Variants in IQSEC1 observed in about 807,000 individuals in gnomAD.
The protein encoded by IQSEC1 is IQ motif and Sec7 domain ArfGEF 1.
Under a neutral mutation model 91.0 loss-of-function variants are expected in IQSEC1, and 31 were observed. The ratio of observed to expected loss-of-function variants is 0.34; its 90% CI spans 0.26 to 0.46. The LOEUF (loss-of-function observed/expected upper bound fraction) is 0.46, where lower values mean the gene tolerates loss of function less well. IQSEC1 is among the 20% of genes least tolerant of loss of function. IQSEC1 has a pLI of 1.00. For missense variants in IQSEC1, 1,388 were observed against 1,575.6 expected, an observed-to-expected ratio of 0.88 and a Z score of 2.02; for synonymous variants, 699 against 662.6, an observed-to-expected ratio of 1.05 and a Z score of -0.84.
intron 1 of IQSEC1, among the ~76,000 whole-genome samples, chr3:13,243,381 G>A (rs1471936720): frequency 6.6e-6 from 1 of 152,154 alleles, no homozygotes; most frequent in Non-Finnish European, 1.5e-5. Flanking sequence ...CTGGAAGTCA[G>A]GAGCCCTGCG....
intron 1 of IQSEC1, among the ~76,000 whole-genome samples, chr3:13,221,907 T>C (rs1694666928): frequency 6.6e-6 from 1 of 152,064 alleles, no homozygotes; most frequent in Non-Finnish European, 1.5e-5. Context: ...TCCTCAACCA[T>C]GACCAGGCCC....
intron 1 of IQSEC1, among the ~76,000 whole-genome samples, chr3:13,239,488 T>C (rs559927711): frequency 7.2e-5 from 11 of 152,364 alleles, no homozygotes; most frequent in Admixed American, 3.9e-4. Flanking sequence ...ACCCTCGTGT[T>C]CTGGGTCCTC....
chr3:13,196,339 G>A (rs1020014056), intron 1 of IQSEC1, among the ~76,000 whole-genome samples: 4 of 152,208 alleles, frequency 2.6e-5, no homozygotes, highest in Non-Finnish European at 4.4e-5. Flanking sequence ...CAGACGTTGT[G>A]GAGCAGAGGC....
At chr3:13,209,619 G>A (rs1398042556) in intron 1 of IQSEC1, among the ~76,000 whole-genome samples, 7 of 152,146 alleles carry the variant, frequency 4.6e-5, no homozygotes, top group Admixed American at 4.6e-4. Context: ...GCACACCCCT[G>A]CCTCCGTGCC....
chr3:13,234,551 G>A (rs1009006965), intron 1 of IQSEC1, among the ~76,000 whole-genome samples: 8 of 152,028 alleles, frequency 5.3e-5, no homozygotes, highest in African/African-American at 1.2e-4. Context: ...GTCATCTTGC[G>A]CTATTACTGC....
chr3:13,073,158 G>T lies in IQSEC1; in HGVS notation c.-144C>A, dbSNP rs1376556170. The T allele has an allele frequency of 3.1e-6, 3 of 980,468 alleles. No homozygotes were observed. The highest frequency in any genetic ancestry group is 1.5e-6 in the Non-Finnish European group (1 of 650,310). The allele number at this position is 980,468 out of a possible 1,614,324, so 60.7% of individuals were successfully genotyped here. On this transcript the variant is annotated 5_prime_UTR_variant, in exon 1 of 14. Transcript: ENST00000613206. ...GGCGAGTCACATTCCCGGGGGTGGC[G>T]GGCTCCTCCAGGGAGGCTGGGGCGG...
In IQSEC1 at chr3:12,901,491, C is replaced by T. The variant is rs1395708156; in HGVS notation, c.2837G>A (p.Arg946Gln). The change falls in exon 14 of 14, where the codon CGG becomes CAG. Residue 946 changes from arginine (R) to glutamine (Q), a missense_variant. By Grantham distance (43) the Arg-to-Gln change is conservative. This residue lies in a region of IQSEC1 where 329 missense variants were observed against 257.8 expected (regional missense o/e 1.28). Coordinates refer to ENST00000613206, the MANE Select transcript of IQSEC1 (RefSeq NM_001134382.3). Reference sequence around the variant, plus strand: ...ACACTCTCGTGTTGATGTAGCTCTCCGGCGCATGTGAGGACTGCTAATGAT... The same window carrying T: ...ACACTCTCGTGTTGATGTAGCTCTCTGGCGCATGTGAGGACTGCTAATGAT... The part of the protein sequence containing the change: ...GSIISSPHMR[R>Q]RATSTRECPS... The T allele has an allele frequency of 1.4e-5, 21 of 1,549,864 alleles. No individual in the cohort carries two copies. Among genetic ancestry groups the T allele is most frequent in the East Asian group, 2.4e-5 (1 of 40,918 alleles).
chr3:13,017,597 C>T (rs556154751), intron 1 of IQSEC1, among the ~76,000 whole-genome samples: 2 of 152,310 alleles, frequency 1.3e-5, no homozygotes, highest in South Asian at 4.1e-4. Flanking sequence ...GTGCTCCTCA[C>T]AGGGTGGGCG....
intron 1 of IQSEC1, among the ~76,000 whole-genome samples, chr3:13,166,049 G>A (rs1693489141): frequency 6.6e-6 from 1 of 152,174 alleles, no homozygotes; most frequent in South Asian, 2.1e-4. Context: ...ATGACAACTG[G>A]CTCCAGCTCA....
chr3:13,184,119 T>C (rs534960746), intron 1 of IQSEC1, among the ~76,000 whole-genome samples: 60 of 152,330 alleles, frequency 3.9e-4, no homozygotes, highest in African/African-American at 1.4e-3. Context: ...CTACACAAAC[T>C]TTTCCAGAAT....
At chr3:13,261,384 A>T (rs928654637) in intron 1 of IQSEC1, among the ~76,000 whole-genome samples, 2 of 152,160 alleles carry the variant, frequency 1.3e-5, no homozygotes, top group Non-Finnish European at 2.9e-5. Flanking sequence ...TGGCTATGGG[A>T]GGCCTCTGCA....
chr3:13,080,692 C>T (rs55909091), intron 2 of IQSEC1, among the ~76,000 whole-genome samples: 15,920 of 152,152 alleles, frequency 0.1, 989 homozygotes, highest in African/African-American at 0.16. Flanking sequence ...TACCCTCCAA[C>T]GGCCACTTCC....
At chr3:12,923,962 G>C (rs1696871780) in intron 4 of IQSEC1, among the ~76,000 whole-genome samples, 1 of 152,218 alleles carries the variant, frequency 6.6e-6, no homozygotes, top group South Asian at 2.1e-4. Context: ...ATGCTCACCA[G>C]CTCTCTGAAC....
chr3:13,208,978 C>T (rs1694395506), intron 1 of IQSEC1, among the ~76,000 whole-genome samples: 1 of 152,228 alleles, frequency 6.6e-6, no homozygotes, highest in Non-Finnish European at 1.5e-5. Context: ...GACCAACACC[C>T]CAAGGAAGCA....
At chr3:13,231,275 GTGTC>G (rs757042880) in intron 1 of IQSEC1, among the ~76,000 whole-genome samples, 13 of 152,196 alleles carry the variant, frequency 8.5e-5, no homozygotes, top group Non-Finnish European at 1.3e-4. Context: ...GTGCGTGTGT[GTGTC>G]TGTGTGTGTG....
At chr3:12,987,669 G>A (rs1701807211) in intron 1 of IQSEC1, among the ~76,000 whole-genome samples, 1 of 152,176 alleles carries the variant, frequency 6.6e-6, no homozygotes, top group South Asian at 2.1e-4. Context: ...GCAGGAGGGA[G>A]GGAGAAGAGG....
rs374039901 is a variant in IQSEC1 at position 13,282,510 on chromosome 3, G to C, written c.272+201C>G. 6.6e-6 allele frequency among the ~76,000 whole-genome samples: 1 copy of C among 152,106 alleles called. No homozygotes were observed. The highest frequency in any genetic ancestry group is 2.4e-5 in the African/African-American group (1 of 41,530). ...TCCAGGGAACCCAGTCCCCACCCGA[G>C]ATCGAGCTCCGGATCTGGGCGGCGA... On this transcript the variant is annotated intron_variant, in intron 1 of 15. Transcript: ENST00000648114. The surrounding 1 kb of genome is among the most constrained non-coding windows in gnomAD (Gnocchi z 6.4).
rs368871165 is a variant in IQSEC1 at position 13,015,326 on chromosome 3, G to A, written c.23+57666C>T. ...TAATGGGGCCTGGGGCTGGTCTAAC[G>A]CGCAGGGGAGCTAAAGAACTTCCCC... On this transcript the variant is annotated intron_variant, in intron 1 of 13. Transcript: ENST00000613206. Among the ~76,000 whole-genome samples the A allele has an allele frequency of 3.3e-4, 51 of 152,294 alleles. No homozygotes were observed. In the East Asian group the frequency reaches 7.7e-3, roughly 23 times the overall value.
intron 2 of IQSEC1, among the ~76,000 whole-genome samples, chr3:13,100,418 A>ACT (rs2124826775): frequency 6.7e-6 from 1 of 148,252 alleles, no homozygotes; most frequent in Non-Finnish European, 1.5e-5. Context: ...TGAAGAAGTT[A>ACT]CTCTCTCTGC....
Sources: gnomAD v4.1 joint callset for allele counts (sites outside exome capture counted in the v4.1 genomes callset) on GRCh38, gnomAD v4.1.1 for gene constraint, gnomAD v4.1.1 regional missense constraint, Gnocchi (gnomAD v3.1) non-coding constraint, MANE v1.5 for transcripts, NCBI Gene and HGNC (gene_info 2026-07-23, HGNC 2026-07-21) for gene names.